The following ADGRG1 variants were observed in gnomAD, a reference collection of about 807,000 sequenced individuals.
ADGRG1 encodes the protein adhesion G protein-coupled receptor G1, also known as 7-transmembrane protein with no EGF-like N-terminal domains-1.
A neutral mutation model predicts 73.5 loss-of-function variants in ADGRG1; 53 were observed. That is an observed-to-expected ratio of 0.72 (90% CI 0.58 to 0.91). ADGRG1 has a LOEUF of 0.91. Ranked by LOEUF, ADGRG1 falls within the 40% of genes least tolerant of loss-of-function variation. The pLI, the probability that ADGRG1 is intolerant of heterozygous loss-of-function variation, is 0.00. For synonymous variants in ADGRG1, 394 were observed against 374.4 expected (o/e 1.05, Z -0.60); for missense variants, 795 against 871.8 (o/e 0.91, Z 1.11).
At chr16:57,639,814 A>G (rs2040325105) in intron 1 of ADGRG1, 1 of 871,788 alleles carries the variant, frequency 1.1e-6, no homozygotes, top group Non-Finnish European at 1.4e-6. Flanking sequence ...CTTCCCCTTT[A>G]TCTTTTTCCT....
intron 1 of ADGRG1, chr16:57,629,003 T>C (rs1354799512): frequency 1.0e-5 from 5 of 491,066 alleles, no homozygotes; most frequent in African/African-American, 6.6e-5. Flanking sequence ...TGAGTGTGAG[T>C]GTGAGAGTGT....
At chr16:57,643,566 G>T (rs2041400453) in intron 1 of ADGRG1, 1 of 983,974 alleles carries the variant, frequency 1.0e-6, no homozygotes, top group Non-Finnish European at 1.2e-6. Flanking sequence ...TATGGGGGGT[G>T]GGGGGTGTCC....
At chr16:57,633,259 C>T in intron 1 of ADGRG1, 1 of 941,042 alleles carries the variant, frequency 1.1e-6, no homozygotes, top group Non-Finnish European at 1.3e-6. Context: ...GAGGTTCTCC[C>T]TAAACCTCAG....
chr16:57,647,190 G>A (rs1283570296), intron 1 of ADGRG1: 1 of 985,266 alleles, frequency 1.0e-6, no homozygotes, highest in Admixed American at 6.1e-5. Context: ...AATCTGTGTG[G>A]CAACTTTCTT....
chr16:57,644,639 T>G (rs1211210072), intron 1 of ADGRG1, among the ~76,000 whole-genome samples: 7 of 142,322 alleles, frequency 4.9e-5, no homozygotes, highest in Admixed American at 2.1e-4. Context: ...TGCACACTCA[T>G]GCATGGGCAC....
At chr16:57,659,345 A>G in intron 10 of ADGRG1, 68 bp from the exon 11 acceptor site, 2 of 1,610,162 alleles carry the variant, frequency 1.2e-6, no homozygotes, top group South Asian at 1.1e-5. Flanking sequence ...GGCTTCCTGG[A>G]GGAGATGTGG....
rs1596880923 is a variant in ADGRG1, at chr16:57,621,344, C to T, written c.-199-6C>T. 4.6e-5 allele frequency: 7 copies of T among 152,262 alleles called. 1 individual carries two copies. The allele number at this position is 152,262 out of a possible 1,614,324, so 9.4% of individuals were successfully genotyped here. A position where few individuals can be genotyped will look rare whatever the true frequency, so the allele number is the denominator to read the frequency against. On this transcript the variant is annotated splice_region_variant and splice_polypyrimidine_tract_variant and intron_variant, in intron 1 of 4. Coordinates refer to the ADGRG1 transcript ENST00000561833. ...TGGGCTTTCCACAAAGTAGTTTCAA[C>T]TGCAGCTCTTCATTTTACCAAGAGA... is the stretch of plus-strand genomic sequence containing the variant.
chr16:57,626,840 A>G, upstream of ADGRG1: 2 of 977,936 alleles, frequency 2.0e-6, no homozygotes. Flanking sequence ...ACTGAGGCAG[A>G]GGTGGTGGTA....
intron 5 of ADGRG1, among the ~76,000 whole-genome samples, chr16:57,654,816 G>A (rs2045224237): frequency 6.6e-6 from 1 of 152,182 alleles, no homozygotes; most frequent in African/African-American, 2.4e-5. Context: ...GGAGGCGGAG[G>A]TTGCAGTGAG....
At position 57,637,422 on chromosome 16, in the gene ADGRG1, G is replaced by A. The variant is rs1432554967; in HGVS notation, c.-36+8620G>A. Reference sequence around the variant, plus strand: ...TTCTCCGGGTTGCTGTTGTAAGTGAGTGCCAAGTGTATGTAAAAGGCGTGG... The same window carrying A: ...TTCTCCGGGTTGCTGTTGTAAGTGAATGCCAAGTGTATGTAAAAGGCGTGG... On this transcript the variant is annotated intron_variant, in intron 1 of 13. Transcript: ENST00000562631. 3.0e-6 allele frequency: 3 copies of A among 985,246 alleles called. No individual in the cohort carries two copies. The African/African-American group carries it at 5.2e-5, about 17-fold the overall frequency. 61.0% of individuals were successfully genotyped at this position (985,246 alleles called of 1,614,324 possible).
upstream of ADGRG1, chr16:57,627,938 C>T: frequency 3.1e-6 from 3 of 974,812 alleles, no homozygotes; most frequent in Non-Finnish European, 3.7e-6. Flanking sequence ...CCTCGGTTTC[C>T]CCTTTGGCTC....
At chr16:57,651,968 C>T in intron 3 of ADGRG1, 2 of 1,267,112 alleles carry the variant, frequency 1.6e-6, no homozygotes, top group South Asian at 3.4e-5. Context: ...TGGAAAGGGA[C>T]TGAAGATCAA....
Position 57,663,502 on chromosome 16 carries a change from G to T in ADGRG1, c.1984G>T (p.Gly662Cys). 1 of 1,613,878 alleles carries T rather than the reference G, an allele frequency of 6.2e-7. No homozygotes were observed. The change falls in exon 14 of 14, where the codon GGC becomes TGC. Residue 662 changes from glycine to cysteine, a missense_variant. Physicochemically the swap from Gly to Cys is radical, Grantham distance 159. Coordinates refer to ENST00000562631, the MANE Select transcript of ADGRG1 (RefSeq NM_201525.4). ...YWSMRLQARG[G>C]PSPLKSNSDS... ...GTCCATGCGGCTGCAGGCCCGGGGT[G>T]GCCCCTCCCCTCTGAAGAGCAACTC...
chr16:57,652,253 C>A (rs2044286043), intron 3 of ADGRG1: 1 of 529,392 alleles, frequency 1.9e-6, no homozygotes, highest in Non-Finnish European at 2.4e-6. Context: ...TGCCATTCAG[C>A]ACCATTAAAT....
upstream of ADGRG1, chr16:57,624,279 C>T (rs539720561): frequency 6.9e-5 from 28 of 408,124 alleles, no homozygotes; most frequent in East Asian, 4.8e-4. Context: ...GTGGGAGGAT[C>T]GCTTGAGCTC....
At chr16:57,661,627 A>G in intron 12 of ADGRG1, 70 bp from the exon 13 acceptor site, 1 of 1,558,530 alleles carries the variant, frequency 6.4e-7, no homozygotes. Context: ...GAAAACAAAC[A>G]TGACAACCAC....
chr16:57,659,403 T>G lies in ADGRG1; in HGVS notation c.1287-10T>G. 1 of 1,613,612 alleles carries G rather than the reference T, an allele frequency of 6.2e-7. No homozygotes were observed. Among genetic ancestry groups the G allele is most frequent in the Non-Finnish European group, 8.5e-7 (1 of 1,179,972 alleles). The stretch of plus-strand genomic sequence containing the variant: ...CCACACTGGCCCACCAGGGTGCCCC[T>G]GCCGTGCAGGAGGAAACCTCGGGAC... On this transcript the variant is annotated splice_polypyrimidine_tract_variant and intron_variant, in intron 10 of 13. Transcript: ENST00000562631.
chr16:57,646,821 G>C (rs1353400238), intron 1 of ADGRG1: 1 of 826,770 alleles, frequency 1.2e-6, no homozygotes, highest in Non-Finnish European at 1.5e-6. Context: ...AGGGTTTGGT[G>C]TGATAACGTG....
At chr16:57,625,799 C>A (rs1306050638), upstream of ADGRG1, 1 of 294,146 alleles carries the variant, frequency 3.4e-6, no homozygotes, top group Admixed American at 6.5e-5. Flanking sequence ...TCAAAATCTT[C>A]CAGAATCTGC....
Sources: allele counts gnomAD v4.1 joint callset (sites outside exome capture counted in the v4.1 genomes callset), GRCh38; gene constraint gnomAD v4.1.1; transcripts MANE v1.5; gene names NCBI Gene and HGNC (gene_info 2026-07-23, HGNC 2026-07-21).